Variants in SV2C observed in about 807,000 individuals in gnomAD.
SV2C encodes the protein solute carrier family 22 member B3.
SV2C carries 49 observed loss-of-function variants against 79.7 expected under a neutral mutation model. The ratio of observed to expected loss-of-function variants is 0.61; its 90% CI spans 0.49 to 0.78. The LOEUF is 0.78. Ranked by LOEUF, SV2C falls within the 30% of genes least tolerant of loss-of-function variation. The probability of loss-of-function intolerance (pLI) is 0.00; values close to 1 mark genes in which losing one functional copy is unlikely to be tolerated. For missense variants in SV2C, 833 were observed against 912.9 expected (o/e 0.91, Z 1.13); for synonymous variants, 334 against 333.2 (o/e 1.00, Z -0.03).
chr5:76,164,117 G>A (rs1742973467), intron 2 of SV2C, among the ~76,000 whole-genome samples: 1 of 152,292 alleles, frequency 6.6e-6, no homozygotes, highest in Middle Eastern at 3.4e-3. Context: ...CCTTAAGTCA[G>A]CTGTCAAGTT....
chr5:76,287,449 C>T (rs1469919401), intron 6 of SV2C, among the ~76,000 whole-genome samples: 1 of 152,128 alleles, frequency 6.6e-6, no homozygotes, highest in African/African-American at 2.4e-5. Context: ...ATACATAACA[C>T]ATACCCCAGT....
the SV2C span, among the ~76,000 whole-genome samples, chr5:75,977,570 A>G: frequency 1.3e-5 from 2 of 152,120 alleles, no homozygotes; most frequent in Non-Finnish European, 2.9e-5. Context: ...CTACCAAGAA[A>G]CCACTGGAGG....
chr5:76,007,114 G>A, the SV2C span, among the ~76,000 whole-genome samples: 3 of 152,104 alleles, frequency 2.0e-5, no homozygotes, highest in Non-Finnish European at 4.4e-5. Context: ...GAGTGTCAGA[G>A]AAATGATTTG....
the SV2C span, among the ~76,000 whole-genome samples, chr5:75,996,673 G>C: frequency 6.6e-6 from 1 of 152,072 alleles, no homozygotes; most frequent in Non-Finnish European, 1.5e-5. Context: ...GCAGTGGTTT[G>C]TAGTTCTCCT....
chr5:75,914,902 T>C, the SV2C span, among the ~76,000 whole-genome samples: 1 of 152,178 alleles, frequency 6.6e-6, no homozygotes, highest in Non-Finnish European at 1.5e-5. Flanking sequence ...TTAATGGACT[T>C]ACAGTTCCAC....
chr5:75,886,507 C>T, the SV2C span, among the ~76,000 whole-genome samples: 3 of 152,126 alleles, frequency 2.0e-5, no homozygotes. Context: ...TTTCACTGAA[C>T]TAGTTTTTCT....
chr5:76,107,996 C>CA (rs1041579158), intron 1 of SV2C, among the ~76,000 whole-genome samples: 1 of 152,134 alleles, frequency 6.6e-6, no homozygotes, highest in African/African-American at 2.4e-5. Flanking sequence ...CCTAAGTATG[C>CA]AAAAATCACA....
intron 4 of SV2C, among the ~76,000 whole-genome samples, chr5:76,216,414 T>C (rs538041571): frequency 1.6e-4 from 24 of 152,184 alleles, no homozygotes; most frequent in African/African-American, 5.3e-4. Flanking sequence ...AGCAGTCCAC[T>C]AGAACAAGGG....
At chr5:75,886,928 C>G in the SV2C span, among the ~76,000 whole-genome samples, 1 of 152,074 alleles carries the variant, frequency 6.6e-6, no homozygotes, top group Non-Finnish European at 1.5e-5. Context: ...AATCCTGAGT[C>G]CCAGAAATTC....
the SV2C span, among the ~76,000 whole-genome samples, chr5:75,932,588 G>A: frequency 1.3e-5 from 2 of 152,196 alleles, no homozygotes; most frequent in Non-Finnish European, 2.9e-5. Flanking sequence ...AGTAAACAAA[G>A]CATTCTTCGT....
At chr5:76,287,883 G>A (rs548599443) in intron 6 of SV2C, among the ~76,000 whole-genome samples, 2 of 152,196 alleles carry the variant, frequency 1.3e-5, no homozygotes, top group Non-Finnish European at 2.9e-5. Flanking sequence ...TCAGGAGATC[G>A]AGACCATCCT....
rs1288625459 is a variant in SV2C, at chr5:76,326,056, G to C, written c.*509G>C. ...CCCAGTAATTCTCACTGTTATAGCA[G>C]AGCCTTTCAAAGAAAACCATGTGGC... On this transcript the variant is annotated 3_prime_UTR_variant, in exon 13 of 13. Transcript: ENST00000502798. The C allele has an allele frequency of 6.6e-6, 1 of 151,442 alleles. No individual in the cohort carries two copies. Among genetic ancestry groups the C allele is most frequent in the Non-Finnish European group, 1.5e-5 (1 of 68,348 alleles). 9.4% of individuals were successfully genotyped at this position (151,442 alleles called of 1,614,324 possible).
At chr5:75,962,826 G>A in the SV2C span, among the ~76,000 whole-genome samples, 1 of 152,090 alleles carries the variant, frequency 6.6e-6, no homozygotes, top group East Asian at 1.9e-4. Flanking sequence ...CATAGACTGA[G>A]AATGGGAGGG....
the SV2C span, among the ~76,000 whole-genome samples, chr5:76,051,291 C>G: frequency 6.6e-6 from 1 of 152,092 alleles, no homozygotes; most frequent in African/African-American, 2.4e-5. Flanking sequence ...AATAATAATA[C>G]TCAGAGGTGT....
chr5:76,220,762 C>T (rs1258550661), intron 4 of SV2C, among the ~76,000 whole-genome samples: 6 of 152,116 alleles, frequency 3.9e-5, no homozygotes, highest in Admixed American at 3.9e-4. Context: ...GCTCAGCGGT[C>T]ATCATCAAAG....
the SV2C span, among the ~76,000 whole-genome samples, chr5:76,025,882 A>C: frequency 6.6e-6 from 1 of 152,190 alleles, no homozygotes; most frequent in African/African-American, 2.4e-5. Flanking sequence ...TGAACAACAA[A>C]CACTGGGAAA....
At position 76,300,756 on chromosome 5, in the gene SV2C, GTGAATT is replaced by G. The variant is rs2112523632; in HGVS notation, c.1666_1671del (p.Glu556_Phe557del). On this transcript the variant is annotated inframe_deletion, in exon 11 of 13. Coordinates refer to ENST00000502798, the MANE Select transcript of SV2C (RefSeq NM_014979.4). The stretch of plus-strand genomic sequence containing the variant: ...TTTGAGCCATATAAATTCATTGACA[GTGAATT>G]TAAAAACTGCTCGTTTTTTCACAAC... 6.2e-7 allele frequency: 1 copy of G among 1,614,096 alleles called. No individual in the cohort carries two copies. The highest frequency in any genetic ancestry group is 8.5e-7 in the Non-Finnish European group (1 of 1,179,948).
At chr5:76,308,701 C>T (rs531626790) in intron 12 of SV2C, among the ~76,000 whole-genome samples, 93 of 152,272 alleles carry the variant, frequency 6.1e-4, no homozygotes, top group Non-Finnish European at 9.7e-4. Context: ...AGAAGGCAAA[C>T]GCAGGGAACT....
chr5:76,030,161 A>G, the SV2C span, among the ~76,000 whole-genome samples: 1 of 151,252 alleles, frequency 6.6e-6, no homozygotes, highest in African/African-American at 2.4e-5. Context: ...ATTTCTTAAT[A>G]TATGCCACTG....
Sources: gnomAD v4.1 joint callset for allele counts (sites outside exome capture counted in the v4.1 genomes callset) on GRCh38, gnomAD v4.1.1 for gene constraint, MANE v1.5 for transcripts, NCBI Gene and HGNC (gene_info 2026-07-23, HGNC 2026-07-21) for gene names.